Variants in CFAP69 observed in about 807,000 individuals in gnomAD.
CFAP69 encodes cilia- and flagella-associated protein 69.
Under a neutral mutation model 123.0 loss-of-function variants are expected in CFAP69, and 92 were observed. The ratio of observed to expected loss-of-function variants is 0.75; its 90% CI spans 0.63 to 0.89. CFAP69 has a LOEUF of 0.89. Among genes scored for constraint, CFAP69 ranks in the 40% least tolerant of loss-of-function variants. The probability of loss-of-function intolerance (pLI) is 0.00; values close to 1 mark genes in which losing one functional copy is unlikely to be tolerated. For synonymous variants in CFAP69, 380 were observed against 364.3 expected, an observed-to-expected ratio of 1.04 and a Z score of -0.49; for missense variants, 1,067 against 1,096.9, an observed-to-expected ratio of 0.97 and a Z score of 0.39.
Position 90,286,328 on chromosome 7 carries a change from A to G in CFAP69, c.1585A>G (p.Ile529Val). 6.2e-7 allele frequency: 1 copy of G among 1,609,404 alleles called. No homozygotes were observed. The highest frequency in any genetic ancestry group is 8.5e-7 in the Non-Finnish European group (1 of 1,177,180). The change falls in exon 14 of 23, where the codon ATT (isoleucine) becomes GTT (valine). Residue 529 changes from isoleucine (I) to valine (V), a missense_variant. Ile to Val is a conservative substitution (Grantham distance 29). Transcript: ENST00000389297. ...CAAGCCTAATGAAAAGGAAGAAGCC[A>G]TTGTTTTGGAAATCCAGTCTGATAT... ...ISKPNEKEEAIVLEIQSDILL... is the reference protein window; with the variant it reads ...ISKPNEKEEAVVLEIQSDILL...
At chr7:90,289,041 T>C (rs1230272184) in intron 15 of CFAP69, among the ~76,000 whole-genome samples, 1 of 152,006 alleles carries the variant, frequency 6.6e-6, no homozygotes, top group East Asian at 1.9e-4. Context: ...TTAAAAAAAT[T>C]ACATTGTTTT....
At chr7:90,306,707 T>C (rs988988917) in intron 19 of CFAP69, among the ~76,000 whole-genome samples, 194 bp from the exon 20 acceptor site, 1 of 152,198 alleles carries the variant, frequency 6.6e-6, no homozygotes, top group African/African-American at 2.4e-5. Flanking sequence ...TTGAAAAACA[T>C]TTGATAAATT....
chr7:90,265,477 T>C (rs1799027140), intron 5 of CFAP69, 100 bp downstream of exon 5: 2 of 723,172 alleles, frequency 2.8e-6, no homozygotes, highest in Non-Finnish European at 4.8e-6. Context: ...GAGGACTCCT[T>C]CTCCATGTCT....
chr7:90,277,108 C>T lies in CFAP69; in HGVS notation c.1020C>T (p.Ala340=), dbSNP rs1267988209. Residue 340 remains alanine, a synonymous_variant, in exon 10 of 23, where the codon GCC becomes GCT. Coordinates refer to ENST00000389297, the MANE Select transcript of CFAP69 (RefSeq NM_001039706.3). ...CGFTKDLILF[A]TFNEVKSQNL... is the part of the protein sequence containing the mutation. ...TTACCAAGGATTTGATACTGTTTGC[C>T]ACCTTTAATGAAGGTAAAAAGAATA... The T allele has an allele frequency of 1.9e-6, 3 of 1,577,550 alleles. No individual in the cohort carries two copies. The highest frequency in any genetic ancestry group is 1.2e-5 in the South Asian group (1 of 85,500).
Position 90,271,660 on chromosome 7 carries a change from C to A in CFAP69, c.667C>A (p.His223Asn). The change falls in exon 7 of 23, where the codon CAT (histidine) becomes AAT (asparagine). Residue 223 changes from histidine to asparagine, a missense_variant. His to Asn is a moderately conservative substitution (Grantham distance 68, BLOSUM62 1). Coordinates refer to ENST00000389297, the MANE Select transcript of CFAP69 (RefSeq NM_001039706.3). ...ACTTTGGGTACTTAAAGTTCTGCAG[C>A]ATCTCTCAACTTCTGGTTTGTATAT... ...EKLWVLKVLQ[H>N]LSTSEVNCTI... 3.7e-6 allele frequency: 6 copies of A among 1,613,348 alleles called. No homozygotes were observed. The highest frequency in any genetic ancestry group is 5.1e-6 in the Non-Finnish European group (6 of 1,179,562).
intron 19 of CFAP69, among the ~76,000 whole-genome samples, chr7:90,306,504 T>C (rs1793613118): frequency 6.6e-6 from 1 of 152,150 alleles, no homozygotes; most frequent in South Asian, 2.1e-4. Context: ...TTCATTCTCC[T>C]AAAAGTTCAT....
At chr7:90,295,476 T>G (rs1791808858) in intron 15 of CFAP69, among the ~76,000 whole-genome samples, 1 of 152,216 alleles carries the variant, frequency 6.6e-6, no homozygotes, top group African/African-American at 2.4e-5. Flanking sequence ...GGTTTGGGGC[T>G]GAGGGCTTTC....
chr7:90,287,811 A>T, intron 14 of CFAP69: 1 of 891,012 alleles, frequency 1.1e-6, no homozygotes, highest in Non-Finnish European at 1.3e-6. Flanking sequence ...AAATGTTTTA[A>T]CTACATTTAT....
At chr7:90,278,426 T>A (rs1336155193) in intron 11 of CFAP69, among the ~76,000 whole-genome samples, 1 of 152,110 alleles carries the variant, frequency 6.6e-6, no homozygotes, top group Non-Finnish European at 1.5e-5. Flanking sequence ...ACTTTATTAT[T>A]TGTGACAAAA....
chr7:90,282,000 G>T (rs536418983), intron 12 of CFAP69, among the ~76,000 whole-genome samples: 12 of 152,206 alleles, frequency 7.9e-5, no homozygotes, highest in African/African-American at 1.9e-4. Context: ...TCTAAATCCT[G>T]TTGGCAATCA....
intron 17 of CFAP69, chr7:90,300,463 C>A: frequency 2.5e-6 from 2 of 786,382 alleles, no homozygotes; most frequent in Non-Finnish European, 3.1e-6. Flanking sequence ...ATCCATTAGG[C>A]AACATGATCT....
Position 90,277,104 on chromosome 7 carries a change from T to C in CFAP69, c.1016T>C (p.Phe339Ser). The C allele has an allele frequency of 6.3e-7, 1 of 1,580,116 alleles. No individual in the cohort carries two copies. The highest frequency in any genetic ancestry group is 8.6e-7 in the Non-Finnish European group (1 of 1,161,886). The change falls in exon 10 of 23, where the codon TTT becomes TCT. Residue 339 changes from phenylalanine to serine, a missense_variant. Phe to Ser is a radical substitution (Grantham distance 155). Transcript: ENST00000389297. ...GGCTTTACCAAGGATTTGATACTGT[T>C]TGCCACCTTTAATGAAGGTAAAAAG... ...ECGFTKDLIL[F>S]ATFNEVKSQN...
At chr7:90,272,937 G>A (rs567294766) in intron 8 of CFAP69, among the ~76,000 whole-genome samples, 1 of 152,244 alleles carries the variant, frequency 6.6e-6, no homozygotes, top group South Asian at 2.1e-4. Context: ...TGCTCTGACT[G>A]GCGAAAAGGC....
Position 90,268,443 on chromosome 7 carries a change from C to T in CFAP69, c.532+59C>T, listed in dbSNP as rs574843478. ...GTGTATGTAGAAAACAGAACATTCTCATATCTCTTTGAATTTGACAGACAC... is the reference window on the plus strand; with the variant it reads ...GTGTATGTAGAAAACAGAACATTCTTATATCTCTTTGAATTTGACAGACAC... On this transcript the variant is annotated intron_variant, in intron 6 of 22. Transcript: ENST00000389297. 5.5e-4 allele frequency: 686 copies of T among 1,256,390 alleles called. 10 individuals carry two copies. In the South Asian group the frequency reaches 5.9e-3, roughly 11 times the overall value. The allele number at this position is 1,256,390 out of a possible 1,614,324, so 77.8% of individuals were successfully genotyped here. A position where few individuals can be genotyped will look rare whatever the true frequency, so the allele number is the denominator to read the frequency against.
chr7:90,291,121 C>T (rs1791123732), intron 15 of CFAP69, among the ~76,000 whole-genome samples: 1 of 151,954 alleles, frequency 6.6e-6, no homozygotes, highest in South Asian at 2.1e-4. Context: ...CAGGATGAGT[C>T]CAAAGGATAA....
chr7:90,304,237 AC>A, intron 18 of CFAP69, 131 bp downstream of exon 18: 1 of 1,388,188 alleles, frequency 7.2e-7, no homozygotes, highest in Non-Finnish European at 9.3e-7. Flanking sequence ...TTCCATTGTT[AC>A]CCCAATTCCC....
intron 17 of CFAP69, chr7:90,301,166 T>C (rs1187297312): frequency 6.6e-6 from 1 of 151,882 alleles, no homozygotes; most frequent in Non-Finnish European, 1.5e-5. Flanking sequence ...GAGACAGGGT[T>C]TCACCATGTT....
chr7:90,262,154 T>C, intron 4 of CFAP69, 98 bp downstream of exon 4: 1 of 738,128 alleles, frequency 1.4e-6, no homozygotes, highest in South Asian at 1.9e-5. Context: ...TGTAGCAGAT[T>C]GCTACAGAAC....
intron 15 of CFAP69, 42 bp from the exon 16 acceptor site, chr7:90,297,707 C>T (rs1354115512): frequency 1.6e-6 from 2 of 1,247,622 alleles, no homozygotes; most frequent in Non-Finnish European, 1.1e-6. Context: ...TTCAGTTTAA[C>T]AATAAATGTT....
Sources: allele counts gnomAD v4.1 joint callset (sites outside exome capture counted in the v4.1 genomes callset), GRCh38; gene constraint gnomAD v4.1.1; transcripts MANE v1.5; gene names NCBI Gene and HGNC (gene_info 2026-07-23, HGNC 2026-07-21).